The following TGM1 variants were observed in gnomAD, a reference collection of about 807,000 sequenced individuals.
TGM1 encodes the protein transglutaminase 1, also known as protein-glutamine gamma-glutamyltransferase K.
A neutral mutation model predicts 88.7 loss-of-function variants in TGM1; 63 were observed. The observed-to-expected ratio is 0.71, with a 90% CI of 0.58 to 0.88. The LOEUF is 0.88. TGM1 is among the 40% of genes least tolerant of loss of function. The pLI, the probability that TGM1 is intolerant of heterozygous loss-of-function variation, is 0.00. For missense variants in TGM1, 996 were observed against 1,118.0 expected (o/e 0.89, Z 1.56); for synonymous variants, 415 against 431.1 (o/e 0.96, Z 0.46).
chr14:24,252,186 C>T (rs185464174), intron 14 of TGM1, among the ~76,000 whole-genome samples: 496 of 152,326 alleles, frequency 3.3e-3, no homozygotes, highest in African/African-American at 0.011. Flanking sequence ...TCAGAGATGT[C>T]CCCCTGGAGG....
Position 24,260,574 on chromosome 14 carries a change from A to G in TGM1, c.633T>C (p.Thr211=). ...ACTTGCCGATGATGGCGTTGGGGGA[A>G]GTGTGGACCCGCAGGTTCAGATTCT... ...SGQNLNLRVH[T]SPNAIIGKFQ... The change falls in exon 4 of 15, where the codon ACT becomes ACC. Residue 211 remains threonine, a synonymous_variant. Coordinates refer to ENST00000206765, the MANE Select transcript of TGM1 (RefSeq NM_000359.3). 1 of 1,614,188 alleles carries G rather than the reference A, an allele frequency of 6.2e-7. No individual in the cohort carries two copies. The highest frequency in any genetic ancestry group is 8.5e-7 in the Non-Finnish European group (1 of 1,180,026).
chr14:24,258,465 T>G, intron 8 of TGM1, 70 bp downstream of exon 8: 38 of 950,996 alleles, frequency 4.0e-5, no homozygotes, highest in Non-Finnish European at 5.6e-5. Context: ...TCCCCAGCCC[T>G]GCCCACCCTC....
Position 24,255,890 on chromosome 14 carries a change from G to A in TGM1, c.1491+99C>T, listed in dbSNP as rs2040746415. The stretch of plus-strand genomic sequence containing the variant: ...GAGGAAACTGACTTGTATAATGAGT[G>A]ACTTGCCCCGGGTCGCAGAGCTGGT... On this transcript the variant is annotated intron_variant, in intron 10 of 14. Coordinates refer to ENST00000206765, the MANE Select transcript of TGM1 (RefSeq NM_000359.3). The surrounding 1 kb of genome is among the most constrained non-coding windows in gnomAD (Gnocchi z 4.0). The A allele has an allele frequency of 2.9e-6, 3 of 1,018,084 alleles. No homozygotes were observed. The highest frequency in any genetic ancestry group is 4.5e-6 in the Non-Finnish European group (3 of 662,566). 63.1% of individuals were successfully genotyped at this position (1,018,084 alleles called of 1,614,324 possible).
intron 12 of TGM1, 23 bp downstream of exon 12, chr14:24,254,949 A>G: frequency 4.3e-6 from 7 of 1,613,480 alleles, no homozygotes; most frequent in Non-Finnish European, 5.9e-6. Context: ...TCCAGGGGGC[A>G]GGGCTGGGTA....
In TGM1 at chr14:24,255,900, G is replaced by A. The variant is rs1033066648; in HGVS notation, c.1491+89C>T. Reference sequence around the variant, plus strand: ...ACTTGTATAATGAGTGACTTGCCCCGGGTCGCAGAGCTGGTCAGTCAGCGG... The same window carrying A: ...ACTTGTATAATGAGTGACTTGCCCCAGGTCGCAGAGCTGGTCAGTCAGCGG... On this transcript the variant is annotated intron_variant, in intron 10 of 14. Transcript: ENST00000206765. This position sits in a 1 kb window ranked among gnomAD's most constrained non-coding sequence, Gnocchi z 4.0. 19 of 1,110,512 alleles carry A rather than the reference G, an allele frequency of 1.7e-5. 1 individual carries two copies. The highest frequency in any genetic ancestry group is 9.9e-5 in the Admixed American group (5 of 50,416). The allele number at this position is 1,110,512 out of a possible 1,614,324, so 68.8% of individuals were successfully genotyped here. A position where few individuals can be genotyped will look rare whatever the true frequency, so the allele number is the denominator to read the frequency against.
intron 14 of TGM1, among the ~76,000 whole-genome samples, chr14:24,253,205 C>T (rs1251760282): frequency 1.3e-5 from 2 of 152,220 alleles, no homozygotes; most frequent in Admixed American, 1.3e-4. Flanking sequence ...GCTTCCCCAT[C>T]TGTAAGTGGG....
rs2040789921 is a variant in TGM1 at position 24,259,728 on chromosome 14, A to G, written c.960T>C (p.Asn320=). 3.1e-6 allele frequency: 5 copies of G among 1,611,988 alleles called. No homozygotes were observed. Among genetic ancestry groups the G allele is most frequent in the Non-Finnish European group, 4.2e-6 (5 of 1,179,322 alleles). Residue 320 remains asparagine (N), a synonymous_variant, in exon 6 of 15, where the codon AAT becomes AAC. Transcript: ENST00000206765. The surrounding 1 kb of genome is among the most constrained non-coding windows in gnomAD (Gnocchi z 5.7). ...CCATGGCAGAGATGACCCGGGAGAC[A>G]TTGACTGGGTCTCCACGGCCTCCAT... The part of the protein sequence containing the change: ...MPYGGRGDPV[N]VSRVISAMVN...
In TGM1 at chr14:24,259,003, G is replaced by A. The variant is rs566422772; in HGVS notation, c.1159+72C>T. On this transcript the variant is annotated intron_variant, in intron 7 of 14. Transcript: ENST00000206765. The surrounding 1 kb of genome is among the most constrained non-coding windows in gnomAD (Gnocchi z 5.7). ...TGCACTGTAGCCACATCTGGGCAGG[G>A]CTGGGTAAGCCTGGCTTTCCTCCCT... The A allele has an allele frequency of 1.3e-6, 2 of 1,575,180 alleles. No individual in the cohort carries two copies. The highest frequency in any genetic ancestry group is 1.3e-5 in the African/African-American group (1 of 74,206).
Position 24,255,138 on chromosome 14 carries a change from G to C in TGM1, c.1761C>G (p.Asp587Glu). ...CCATCAGATCCTGCCCCATCACCGC[G>C]TCCTGTGCCTCCACCTGCATGGCCA... ...EDVAMQVEAQ[D>E]AVMGQDLMVS... Residue 587 changes from aspartate to glutamate, a missense_variant, in exon 12 of 15, where the codon GAC (aspartate) becomes GAG (glutamate). Transcript: ENST00000206765. The surrounding 1 kb of genome is among the most constrained non-coding windows in gnomAD (Gnocchi z 4.0). The C allele has an allele frequency of 6.2e-7, 1 of 1,614,022 alleles. No homozygotes were observed. The highest frequency in any genetic ancestry group is 8.5e-7 in the Non-Finnish European group (1 of 1,180,038).
chr14:24,250,928 A>G (rs2040696282), intron 14 of TGM1, among the ~76,000 whole-genome samples: 2 of 152,188 alleles, frequency 1.3e-5, no homozygotes, highest in Non-Finnish European at 2.9e-5. Flanking sequence ...GTCCTCTAAG[A>G]GAATGAGCCA....
rs1485863092 is a variant in TGM1 at position 24,249,247 on chromosome 14, T to C, written c.*66A>G. ...GAGCTCCTGGGGAGCTGCTCTGTAG[T>C]GTGCCCCTATCTTGGGGCAATGTCC... On this transcript the variant is annotated 3_prime_UTR_variant, in exon 15 of 15. Transcript: ENST00000206765. 8.2e-6 allele frequency: 12 copies of C among 1,461,410 alleles called. No homozygotes were observed. Among genetic ancestry groups the C allele is most frequent in the African/African-American group, 5.5e-5 (4 of 72,270 alleles). 90.5% of individuals were successfully genotyped at this position (1,461,410 alleles called of 1,614,324 possible). A position where few individuals can be genotyped will look rare whatever the true frequency, so the allele number is the denominator to read the frequency against.
chr14:24,254,601 A>T (rs2040728812), intron 13 of TGM1, 63 bp downstream of exon 13: 9 of 1,611,584 alleles, frequency 5.6e-6, no homozygotes, highest in Non-Finnish European at 7.6e-6. Flanking sequence ...CCCACCTCTG[A>T]TGTCCTTATC....
Position 24,255,296 on chromosome 14 carries a change from G to A in TGM1, c.1646-43C>T, listed in dbSNP as rs375789251. ...AGGGTGAGGTTCCAATTCCCACGTG[G>A]GTGGCCAAGCACTTGGCAGGAACAC... is the stretch of plus-strand genomic sequence containing the variant. On this transcript the variant is annotated intron_variant, in intron 11 of 14. Transcript: ENST00000206765. The surrounding 1 kb of genome is among the most constrained non-coding windows in gnomAD (Gnocchi z 4.0). 4 of 1,614,192 alleles carry A rather than the reference G, an allele frequency of 2.5e-6. No individual in the cohort carries two copies. The African/African-American group carries it at 4.0e-5, about 16-fold the overall frequency.
chr14:24,263,161 GGAC>G lies in TGM1; in HGVS notation c.-78_-76del, dbSNP rs2040828831. The G allele has an allele frequency of 1.3e-5, 2 of 152,916 alleles. No homozygotes were observed. Among genetic ancestry groups the G allele is most frequent in the South Asian group, 4.1e-4 (2 of 4,838 alleles). The allele number at this position is 152,916 out of a possible 1,614,324, so 9.5% of individuals were successfully genotyped here. ...GGAACAGGTCAGGATGGATGGGACA[GGAC>G]CCACAGACTGGATGCCGCAGGGACA... On this transcript the variant is annotated 5_prime_UTR_variant, in exon 1 of 15. Coordinates refer to ENST00000206765, the MANE Select transcript of TGM1 (RefSeq NM_000359.3).
intron 14 of TGM1, among the ~76,000 whole-genome samples, chr14:24,253,446 C>CTGTG (rs368602780): frequency 6.6e-6 from 1 of 150,920 alleles, no homozygotes; most frequent in Admixed American, 6.6e-5. Flanking sequence ...GTGTGTGTCT[C>CTGTG]TGTGTGTGTG....
At chr14:24,253,983 TG>T in intron 14 of TGM1, 168 bp downstream of exon 14, 1 of 860,012 alleles carries the variant, frequency 1.2e-6, no homozygotes, top group Non-Finnish European at 1.8e-6. Flanking sequence ...CCCTAAAGGC[TG>T]GTGGGACTGA....
chr14:24,258,280 C>T lies in TGM1; in HGVS notation c.1402+5G>A. 6.2e-7 allele frequency: 1 copy of T among 1,612,394 alleles called. No homozygotes were observed. The highest frequency in any genetic ancestry group is 2.2e-5 in the East Asian group (1 of 44,872). The stretch of plus-strand genomic sequence containing the variant: ...GCATGGTGGGGAGTGGGGGGCCCAG[C>T]TTACCACTGCTAGTCTCTTGGGGTG... On this transcript the variant is annotated splice_donor_5th_base_variant and intron_variant, in intron 9 of 14. Coordinates refer to ENST00000206765, the MANE Select transcript of TGM1 (RefSeq NM_000359.3).
rs1321365902 is a variant in TGM1, at chr14:24,262,297, G to T, written c.56C>A (p.Pro19His). 2 of 1,613,596 alleles carry T rather than the reference G, an allele frequency of 1.2e-6. No individual in the cohort carries two copies. Among genetic ancestry groups the T allele is most frequent in the Non-Finnish European group, 1.7e-6 (2 of 1,180,034 alleles). ...VGRWGGNPLQPPTTPSPEPEP... is the reference protein window; with the variant it reads ...VGRWGGNPLQHPTTPSPEPEP... ...TGGCTCTGGAGATGGCGTGGTAGGG[G>T]GCTGCAAGGGGTTGCCACCCCAACG... The change falls in exon 2 of 15, where the codon CCC becomes CAC. Residue 19 changes from proline to histidine, a missense_variant. By Grantham distance (77) the Pro-to-His change is moderately conservative. Transcript: ENST00000206765.
intron 14 of TGM1, among the ~76,000 whole-genome samples, chr14:24,249,823 C>T (rs1486452793): frequency 2.0e-5 from 3 of 152,146 alleles, no homozygotes; most frequent in African/African-American, 4.8e-5. Context: ...CTGATGCCAC[C>T]GCAGAGGCCT....
Sources: gnomAD v4.1 joint callset for allele counts (sites outside exome capture counted in the v4.1 genomes callset) on GRCh38, gnomAD v4.1.1 for gene constraint, Gnocchi (gnomAD v3.1) non-coding constraint, MANE v1.5 for transcripts, NCBI Gene and HGNC (gene_info 2026-07-23, HGNC 2026-07-21) for gene names.